The following FANCC variants were observed in gnomAD, a reference collection of about 807,000 sequenced individuals.
FANCC encodes FA complementation group C.
In FANCC, 55 loss-of-function variants were observed where a neutral mutation model predicts 71.3. The ratio of observed to expected loss-of-function variants is 0.77; its 90% confidence interval spans 0.62 to 0.97. The LOEUF (loss-of-function observed/expected upper bound fraction) is 0.97, where lower values mean the gene tolerates loss of function less well. FANCC is among the 50% of genes least tolerant of loss of function. The probability of loss-of-function intolerance (pLI) is 0.00; values close to 1 mark genes in which losing one functional copy is unlikely to be tolerated. For missense variants in FANCC, 678 were observed against 670.9 expected, an observed-to-expected ratio of 1.01 and a Z score of -0.12; for synonymous variants, 275 against 244.9, an observed-to-expected ratio of 1.12 and a Z score of -1.15.
intron 7 of FANCC, among the ~76,000 whole-genome samples, chr9:95,140,899 T>A (rs1200392558): frequency 6.6e-6 from 1 of 152,060 alleles, no homozygotes; most frequent in East Asian, 1.9e-4. Flanking sequence ...AGAAGAAATG[T>A]GCAAACCCAA....
chr9:95,101,473 C>T lies in FANCC; in HGVS notation c.*234G>A, dbSNP rs1053605766. ...CTGGCCGGGCGGGCACCAGGAGTAC[C>T]GAAGGCTCACTTGAGTCATTAGTGA... On this transcript the variant is annotated 3_prime_UTR_variant, in exon 15 of 15. Transcript: ENST00000289081. The T allele has an allele frequency of 4.5e-5, 26 of 583,630 alleles. No individual in the cohort carries two copies. The highest frequency in any genetic ancestry group is 3.5e-4 in the African/African-American group (19 of 53,716). The allele number at this position is 583,630 out of a possible 1,614,324, so 36.2% of individuals were successfully genotyped here.
chr9:95,305,686 T>G (rs149535855), intron 1 of FANCC, among the ~76,000 whole-genome samples: 1 of 152,216 alleles, frequency 6.6e-6, no homozygotes, highest in Non-Finnish European at 1.5e-5. Context: ...AGACTTATAC[T>G]GTATTTTTGC....
Position 95,111,457 on chromosome 9 carries a change from AC to A in FANCC, c.1329+5del, listed in dbSNP as rs878853670. ...CCAAACACATGCAGTGGGGCCTGCT[AC>A]CCACCATAGTCTGTGCTCTCTGCTG... On this transcript the variant is annotated splice_donor_5th_base_variant and intron_variant, in intron 13 of 14. Transcript: ENST00000289081. 1 of 1,611,160 alleles carries A rather than the reference AC, an allele frequency of 6.2e-7. No homozygotes were observed. Among genetic ancestry groups the A allele is most frequent in the Non-Finnish European group, 8.5e-7 (1 of 1,179,700 alleles).
At position 95,100,413 on chromosome 9, in the gene FANCC, A is replaced by G. The variant is rs921812360; in HGVS notation, c.*1294T>C. On this transcript the variant is annotated 3_prime_UTR_variant, in exon 15 of 15. Coordinates refer to ENST00000289081, the MANE Select transcript of FANCC (RefSeq NM_000136.3). ...ATACCAAAATAAGGAATTTCCCTAA[A>G]GGTTAACTTCTAATCCAGCAAAACT... is the stretch of plus-strand genomic sequence containing the variant. 1 of 231,528 alleles carries G rather than the reference A, an allele frequency of 4.3e-6. No homozygotes were observed. Among genetic ancestry groups the G allele is most frequent in the African/African-American group, 2.2e-5 (1 of 45,276 alleles). 14.3% of individuals were successfully genotyped at this position (231,528 alleles called of 1,614,324 possible). A position where few individuals can be genotyped will look rare whatever the true frequency, so the allele number is the denominator to read the frequency against.
intron 6 of FANCC, among the ~76,000 whole-genome samples, chr9:95,163,290 AAT>A (rs1830861172): frequency 6.6e-6 from 1 of 152,154 alleles, no homozygotes; most frequent in Admixed American, 6.5e-5. Context: ...TTTAATGGTC[AAT>A]ATGTCTGCCT....
At chr9:95,172,307 G>A (rs368689725) in intron 4 of FANCC, among the ~76,000 whole-genome samples, 160 bp from the exon 5 acceptor site, 39 of 152,268 alleles carry the variant, frequency 2.6e-4, no homozygotes, top group African/African-American at 9.1e-4. Flanking sequence ...AAGTGTAAAA[G>A]AGAAATGTTA....
chr9:95,123,611 C>T (rs1272005584), intron 10 of FANCC: 5 of 598,540 alleles, frequency 8.4e-6, no homozygotes, highest in Non-Finnish European at 1.6e-5. Context: ...CCAATGTGTG[C>T]CCAAGGACAA....
At chr9:95,277,055 T>C (rs1400376711) in intron 1 of FANCC, among the ~76,000 whole-genome samples, 1 of 152,222 alleles carries the variant, frequency 6.6e-6, no homozygotes, top group East Asian at 1.9e-4. Context: ...AAATGCAGCA[T>C]TCCTACGCAT....
At chr9:95,184,982 C>G (rs910817370) in intron 4 of FANCC, among the ~76,000 whole-genome samples, 3 of 152,186 alleles carry the variant, frequency 2.0e-5, no homozygotes, top group South Asian at 2.1e-4. Flanking sequence ...GTCTCAGGAA[C>G]AAAATATTCT....
intron 1 of FANCC, among the ~76,000 whole-genome samples, chr9:95,265,561 C>T (rs1056375357): frequency 3.9e-5 from 6 of 152,184 alleles, no homozygotes. Flanking sequence ...ATCATTACTT[C>T]CTTTCCTTGC....
chr9:95,268,944 A>C (rs1359977461), intron 1 of FANCC, among the ~76,000 whole-genome samples: 1 of 152,206 alleles, frequency 6.6e-6, no homozygotes. Context: ...GCTATAGCAC[A>C]AGAGCACCAC....
chr9:95,114,623 G>C lies in FANCC; in HGVS notation c.1154+6C>G. On this transcript the variant is annotated splice_donor_region_variant and intron_variant, in intron 12 of 14. Transcript: ENST00000289081. ...GTAGATTTGGGAGTGGTCAGTGTTT[G>C]CTCACCCATGAGTCTGGTCTTCAAC... 1 of 1,612,634 alleles carries C rather than the reference G, an allele frequency of 6.2e-7. No homozygotes were observed.
chr9:95,230,434 T>C (rs1829930432), intron 4 of FANCC, among the ~76,000 whole-genome samples: 1 of 152,168 alleles, frequency 6.6e-6, no homozygotes, highest in Non-Finnish European at 1.5e-5. Flanking sequence ...TTATTTAACC[T>C]TATTGTGTCC....
intron 3 of FANCC, among the ~76,000 whole-genome samples, chr9:95,244,678 CAAAAAAAAAAAAAAAAAAAA>C (rs576605250): frequency 8.2e-4 from 34 of 41,578 alleles, no homozygotes; most frequent in Admixed American, 2.5e-3. Flanking sequence ...GACTTTGTCT[CAAAAAAAAAAAAAAAAAAAA>C]AAAAAAAAAA....
chr9:95,239,206 G>A (rs962531263), intron 4 of FANCC, among the ~76,000 whole-genome samples: 2 of 152,074 alleles, frequency 1.3e-5, no homozygotes, highest in Admixed American at 6.6e-5. Context: ...CTACGTCAGC[G>A]TCACACCTAA....
At chr9:95,199,242 C>T (rs1004275986) in intron 4 of FANCC, among the ~76,000 whole-genome samples, 11 of 152,014 alleles carry the variant, frequency 7.2e-5, no homozygotes, top group African/African-American at 2.4e-4. Context: ...CCCCCCACCT[C>T]ACCCCTAGTA....
chr9:95,159,831 G>C (rs1375473491), intron 6 of FANCC, among the ~76,000 whole-genome samples: 2 of 150,626 alleles, frequency 1.3e-5, no homozygotes, highest in Admixed American at 6.6e-5. Context: ...TAAATGTCTT[G>C]AGAGTGTCTG....
chr9:95,111,431 C>A lies in FANCC; in HGVS notation c.1329+32G>T, dbSNP rs781775595. ...CTCCTCTCAGCCCCCCAGAGCCCACCCCAAACACATGCAGTGGGGCCTGCT... is the reference window on the plus strand; with the variant it reads ...CTCCTCTCAGCCCCCCAGAGCCCACACCAAACACATGCAGTGGGGCCTGCT... On this transcript the variant is annotated intron_variant, in intron 13 of 14. Coordinates refer to ENST00000289081, the MANE Select transcript of FANCC (RefSeq NM_000136.3). 1.9e-6 allele frequency: 3 copies of A among 1,605,172 alleles called. No homozygotes were observed. The South Asian group carries it at 3.3e-5, about 18-fold the overall frequency.
chr9:95,245,739 A>C (rs2136080378), intron 3 of FANCC, among the ~76,000 whole-genome samples: 1 of 151,908 alleles, frequency 6.6e-6, no homozygotes, highest in South Asian at 2.1e-4. Context: ...TCTATTAAAA[A>C]TGCAAAAATC....
Sources: gnomAD v4.1 joint callset for allele counts (sites outside exome capture counted in the v4.1 genomes callset) on GRCh38, gnomAD v4.1.1 for gene constraint, MANE v1.5 for transcripts, NCBI Gene and HGNC (gene_info 2026-07-23, HGNC 2026-07-21) for gene names.